The following SUMF1 variants were observed in gnomAD, a reference collection of about 807,000 sequenced individuals.
The protein encoded by SUMF1 is sulfatase modifying factor 1, also known as formylglycine-generating enzyme.
SUMF1 carries 48 observed loss-of-function variants against 47.6 expected under a neutral mutation model. The observed-to-expected ratio is 1.01, with a 90% confidence interval of 0.80 to 1.28. The LOEUF (loss-of-function observed/expected upper bound fraction) is 1.28. Ranked by LOEUF, SUMF1 falls within the 50% of genes most tolerant of loss-of-function variation. The pLI, the probability that SUMF1 is intolerant of heterozygous loss-of-function variation, is 0.00. For missense variants in SUMF1, 571 were observed against 485.4 expected, an observed-to-expected ratio of 1.18 and a Z score of -1.66; for synonymous variants, 230 against 192.1, an observed-to-expected ratio of 1.20 and a Z score of -1.63.
At chr3:4,210,287 A>T (rs543256194) in intron 8 of SUMF1, among the ~76,000 whole-genome samples, 1 of 152,330 alleles carries the variant, frequency 6.6e-6, no homozygotes, top group South Asian at 2.1e-4. Context: ...CATTTTCTAC[A>T]TTTATTGGAA....
intron 8 of SUMF1, among the ~76,000 whole-genome samples, chr3:4,149,135 G>A (rs1465601206): frequency 2.0e-5 from 3 of 152,044 alleles, no homozygotes; most frequent in South Asian, 2.1e-4. Flanking sequence ...TCACATGAGC[G>A]TTTTGCCCTA....
chr3:4,066,015 T>C (rs795730), intron 9 of SUMF1, among the ~76,000 whole-genome samples: 23,587 of 152,004 alleles, frequency 0.16, 2,398 homozygotes, highest in Middle Eastern at 0.25. Context: ...CTAAACACAA[T>C]TGGAACCAGA....
intron 8 of SUMF1, among the ~76,000 whole-genome samples, chr3:4,370,584 G>A (rs1349276059): frequency 6.6e-6 from 1 of 152,104 alleles, no homozygotes; most frequent in Non-Finnish European, 1.5e-5. Flanking sequence ...TCTGCCCAAA[G>A]CACTGGGTTG....
intron 3 of SUMF1, among the ~76,000 whole-genome samples, chr3:4,441,988 A>G (rs1333885091): frequency 6.6e-6 from 1 of 152,238 alleles, no homozygotes; most frequent in Non-Finnish European, 1.5e-5. Flanking sequence ...AAACAGGTGA[A>G]GAAAAACCGC....
At chr3:4,391,449 T>C (rs923818738) in intron 7 of SUMF1, among the ~76,000 whole-genome samples, 1 of 152,164 alleles carries the variant, frequency 6.6e-6, no homozygotes, top group East Asian at 1.9e-4. Context: ...CAGGGCTGTC[T>C]TGATTTTTCT....
intron 8 of SUMF1, among the ~76,000 whole-genome samples, chr3:4,072,411 A>G (rs1695549597): frequency 6.6e-6 from 1 of 152,190 alleles, no homozygotes; most frequent in South Asian, 2.1e-4. Context: ...TCCAAAAACC[A>G]AAACGCCCCT....
chr3:4,339,934 G>A (rs1014284536), intron 8 of SUMF1, among the ~76,000 whole-genome samples: 3 of 152,080 alleles, frequency 2.0e-5, no homozygotes, highest in Admixed American at 1.3e-4. Context: ...AAAATTAACC[G>A]GGTGTGGTTA....
chr3:4,209,088 G>C (rs1421178401), intron 8 of SUMF1, among the ~76,000 whole-genome samples: 1 of 152,068 alleles, frequency 6.6e-6, no homozygotes, highest in Admixed American at 6.6e-5. Context: ...TACTTCACAA[G>C]ATTCTCCAGT....
At chr3:4,211,815 C>A (rs1351766833) in intron 8 of SUMF1, among the ~76,000 whole-genome samples, 1 of 152,138 alleles carries the variant, frequency 6.6e-6, no homozygotes, top group East Asian at 1.9e-4. Context: ...AACAAAGCAG[C>A]CAGGAAGTTC....
At chr3:4,303,642 G>A (rs1698047345) in intron 8 of SUMF1, 4 of 1,424,046 alleles carry the variant, frequency 2.8e-6, no homozygotes, top group East Asian at 5.8e-5. Context: ...CTCTTACAGC[G>A]CACCCGTTGG....
intron 8 of SUMF1, among the ~76,000 whole-genome samples, chr3:4,344,093 C>A (rs1699324930): frequency 6.6e-6 from 1 of 152,210 alleles, no homozygotes; most frequent in Non-Finnish European, 1.5e-5. Context: ...TGACTAGAAG[C>A]AGCAGCATTC....
At chr3:4,285,440 A>C (rs746042686) in intron 8 of SUMF1, among the ~76,000 whole-genome samples, 97 of 152,296 alleles carry the variant, frequency 6.4e-4, no homozygotes, top group Non-Finnish European at 1.2e-3. Flanking sequence ...GACTCTCTAG[A>C]GTTTATGAAT....
chr3:4,284,462 G>A (rs910217128), intron 8 of SUMF1, among the ~76,000 whole-genome samples: 2 of 144,046 alleles, frequency 1.4e-5, no homozygotes, highest in Admixed American at 7.0e-5. Context: ...GGAGGAGGAG[G>A]AGGAGGAGGA....
At chr3:4,318,330 T>A (rs1028778941) in intron 8 of SUMF1, among the ~76,000 whole-genome samples, 1 of 152,196 alleles carries the variant, frequency 6.6e-6, no homozygotes, top group Non-Finnish European at 1.5e-5. Context: ...ATTAATGGGA[T>A]AATTCACAAA....
chr3:4,418,237 A>G, intron 4 of SUMF1, 105 bp from the exon 5 acceptor site: 6 of 1,518,312 alleles, frequency 4.0e-6, no homozygotes, highest in Non-Finnish European at 5.4e-6. Flanking sequence ...AATCTGTGAC[A>G]CTGAGGTCAT....
chr3:4,412,246 G>T (rs1252661716), intron 6 of SUMF1, among the ~76,000 whole-genome samples: 1 of 152,048 alleles, frequency 6.6e-6, no homozygotes, highest in Non-Finnish European at 1.5e-5. Context: ...TAATGAGGGA[G>T]AAAAAAAGAA....
chr3:4,250,527 A>G (rs1034940038), intron 8 of SUMF1, among the ~76,000 whole-genome samples: 9 of 152,192 alleles, frequency 5.9e-5, no homozygotes, highest in African/African-American at 2.2e-4. Context: ...CAGATTTTCA[A>G]TGTAGATGAA....
At chr3:4,101,755 C>A (rs1007393749) in intron 8 of SUMF1, among the ~76,000 whole-genome samples, 6 of 151,996 alleles carry the variant, frequency 3.9e-5, no homozygotes, top group Non-Finnish European at 8.8e-5. Context: ...ACTCTGTTAT[C>A]AATTTTTTTC....
chr3:4,131,030 A>G (rs1345108993), intron 8 of SUMF1, among the ~76,000 whole-genome samples: 2 of 152,188 alleles, frequency 1.3e-5, no homozygotes, highest in Non-Finnish European at 2.9e-5. Flanking sequence ...AGGCCCTGCC[A>G]TCTTCTGCAG....
Sources: allele counts gnomAD v4.1 joint callset (sites outside exome capture counted in the v4.1 genomes callset), GRCh38; gene constraint gnomAD v4.1.1; transcripts MANE v1.5; gene names NCBI Gene and HGNC (gene_info 2026-07-23, HGNC 2026-07-21).